TMEM35A: variants seen among roughly 807,000 people sequenced by gnomAD.
TMEM35A encodes nicotinic acetylcholine receptor chaperone.
For synonymous variants in TMEM35A, 50 were observed against 54.7 expected (o/e 0.91, Z 0.38); for missense variants, 83 against 132.7 (o/e 0.63, Z 1.84).
chrX:101,093,776 T>G (rs768555732), intron 1 of TMEM35A, among the ~76,000 whole-genome samples: 1 of 111,818 alleles, frequency 8.9e-6, no homozygotes, highest in Non-Finnish European at 1.9e-5. Context: ...GAAATTTATT[T>G]CTCATAGTTC....
intron 1 of TMEM35A, among the ~76,000 whole-genome samples, chrX:101,090,769 G>T (rs1276190848): frequency 2.7e-5 from 3 of 110,692 alleles, no homozygotes; most frequent in Non-Finnish European, 5.7e-5. Flanking sequence ...CCAGAGACCT[G>T]AGAATCATTC....
In TMEM35A at chrX:101,094,876, A is replaced by G. The variant is rs1477495638; in HGVS notation, c.424A>G (p.Lys142Glu). The change falls in exon 2 of 2, where the codon AAG (lysine) becomes GAG (glutamate). Residue 142 changes from lysine to glutamate, a missense_variant. Transcript: ENST00000372930. ...CAAGCCCGAAGACCGGTCTTCTGAG[A>G]AGAAGCCTTTGCCAGGGAATGCTGA... The part of the protein sequence containing the change: ...ARKPEDRSSE[K>E]KPLPGNAEEQ... 8.3e-7 allele frequency: 1 copy of G among 1,210,181 alleles called. No individual in the cohort carries two copies.
intron 1 of TMEM35A, chrX:101,081,841 A>C (rs1337887549): frequency 1.8e-5 from 2 of 111,777 alleles, no homozygotes; most frequent in Non-Finnish European, 3.8e-5. Flanking sequence ...CTAAAGCAGA[A>C]CAAGTTTAAT....
intron 1 of TMEM35A, among the ~76,000 whole-genome samples, chrX:101,087,163 T>C (rs1174529004): frequency 9.1e-6 from 1 of 110,284 alleles, no homozygotes; most frequent in Non-Finnish European, 1.9e-5. Context: ...TTCATGTTTG[T>C]CAGGCTGGTC....
chrX:101,087,291 A>G (rs772542616), intron 1 of TMEM35A, among the ~76,000 whole-genome samples: 10 of 112,071 alleles, frequency 8.9e-5, no homozygotes, highest in Non-Finnish European at 1.5e-4. Flanking sequence ...TCTACTCCAC[A>G]GGAGAAGATT....
intron 1 of TMEM35A, among the ~76,000 whole-genome samples, chrX:101,086,184 G>A (rs1016703029): frequency 1.8e-5 from 2 of 111,418 alleles, no homozygotes; most frequent in African/African-American, 6.5e-5. Context: ...GAAATGGCAT[G>A]GTCTCGGCTC....
At chrX:101,085,979 A>G (rs945053338) in intron 1 of TMEM35A, among the ~76,000 whole-genome samples, 1 of 111,614 alleles carries the variant, frequency 9.0e-6, no homozygotes, top group Non-Finnish European at 1.9e-5. Context: ...ATAACAAAAA[A>G]TAAAAGGCTC....
At chrX:101,086,115 G>A (rs755187118) in intron 1 of TMEM35A, among the ~76,000 whole-genome samples, 1 of 110,769 alleles carries the variant, frequency 9.0e-6, no homozygotes, top group South Asian at 3.8e-4. Flanking sequence ...ATTTCTAATT[G>A]TGTGGGTTTT....
chrX:101,082,756 T>C (rs977174722), intron 1 of TMEM35A, among the ~76,000 whole-genome samples: 8 of 110,403 alleles, frequency 7.2e-5, no homozygotes, highest in African/African-American at 2.6e-4. Flanking sequence ...GCGATTCTCC[T>C]GCCTCAGCCT....
intron 1 of TMEM35A, among the ~76,000 whole-genome samples, chrX:101,084,119 C>T (rs2089299679): frequency 2.3e-5 from 2 of 86,852 alleles, no homozygotes. Flanking sequence ...ACCTGGGAGG[C>T]GGAGGTTGTG....
chrX:101,082,515 A>G lies in TMEM35A; in HGVS notation c.120+3393A>G, dbSNP rs113681973. Among the ~76,000 whole-genome samples, 469 of 108,890 alleles carry G rather than the reference A, an allele frequency of 4.3e-3. 4 individuals carry two copies. The highest frequency in any genetic ancestry group is 0.015 in the African/African-American group (458 of 29,980). The allele number at this position is 108,890 out of a possible 115,157, so 94.6% of individuals were successfully genotyped here. ...GATTATGTATAAAAGTGTCTGGTAC[A>G]GTGTTTGCTATAGTATGTGTTCAAG... On this transcript the variant is annotated intron_variant, in intron 1 of 1. Transcript: ENST00000372930.
chrX:101,091,078 C>A (rs192018676), intron 1 of TMEM35A, among the ~76,000 whole-genome samples: 1 of 110,054 alleles, frequency 9.1e-6, no homozygotes, highest in Non-Finnish European at 1.9e-5. Context: ...TGACCTCAGG[C>A]GATCCACCCG....
chrX:101,086,952 CTTTTTTTTTT>C (rs144682101), intron 1 of TMEM35A, among the ~76,000 whole-genome samples: 2 of 72,700 alleles, frequency 2.8e-5, no homozygotes, highest in Admixed American at 3.6e-4. Flanking sequence ...TAATAGGATT[CTTTTTTTTTT>C]TTTTTTTTTT....
At chrX:101,086,349 G>C (rs2089307372) in intron 1 of TMEM35A, among the ~76,000 whole-genome samples, 1 of 111,943 alleles carries the variant, frequency 8.9e-6, no homozygotes, top group South Asian at 3.7e-4. Context: ...TCGAACTCCT[G>C]ACCTCAAGTG....
intron 1 of TMEM35A, among the ~76,000 whole-genome samples, chrX:101,086,166 G>T (rs952189823): frequency 9.0e-6 from 1 of 111,121 alleles, no homozygotes; most frequent in Non-Finnish European, 1.9e-5. Context: ...TATCACTCAG[G>T]CTGGAGTGAA....
intron 1 of TMEM35A, among the ~76,000 whole-genome samples, chrX:101,080,937 A>G (rs956638056): frequency 9.1e-6 from 1 of 110,187 alleles, no homozygotes; most frequent in African/African-American, 3.3e-5. Context: ...TCCAACTAAG[A>G]TGGAGTCACC....
chrX:101,092,232 T>C (rs762387861), intron 1 of TMEM35A, among the ~76,000 whole-genome samples: 5 of 110,272 alleles, frequency 4.5e-5, no homozygotes, highest in Non-Finnish European at 9.5e-5. Context: ...AAATAAACAT[T>C]GAATGAATGA....
intron 1 of TMEM35A, among the ~76,000 whole-genome samples, chrX:101,087,301 T>A (rs1296942282): frequency 8.9e-6 from 1 of 112,133 alleles, no homozygotes; most frequent in African/African-American, 3.2e-5. Flanking sequence ...AGGAGAAGAT[T>A]GATGGCTTCC....
At chrX:101,094,324 C>T (rs749833121) in intron 1 of TMEM35A, 16 of 250,308 alleles carry the variant, frequency 6.4e-5, no homozygotes, top group East Asian at 4.7e-4. Flanking sequence ...CCATGTTGGC[C>T]AAGCTGTCTC....
Sources: gnomAD v4.1 joint callset for allele counts (sites outside exome capture counted in the v4.1 genomes callset) on GRCh38, gnomAD v4.1.1 for gene constraint, MANE v1.5 for transcripts, NCBI Gene and HGNC (gene_info 2026-07-23, HGNC 2026-07-21) for gene names.